LRRC7: variants seen among roughly 807,000 people sequenced by gnomAD.
LRRC7 encodes leucine rich repeat containing 7, also known as leucine-rich repeat-containing protein 7.
In LRRC7, 23 loss-of-function variants were observed where a neutral mutation model predicts 175.7. The observed-to-expected ratio is 0.13, with a 90% CI of 0.09 to 0.19. The LOEUF is 0.19. Ranked by LOEUF, LRRC7 falls within the 10% of genes least tolerant of loss-of-function variation. The pLI, the probability that LRRC7 is intolerant of heterozygous loss-of-function variation, is 1.00. For missense variants in LRRC7, 1,354 were observed against 1,904.7 expected (o/e 0.71, Z 5.38); for synonymous variants, 685 against 680.9 (o/e 1.01, Z -0.09).
intron 2 of LRRC7, among the ~76,000 whole-genome samples, chr1:69,728,891 G>C (rs555928515): frequency 6.6e-6 from 1 of 152,050 alleles, no homozygotes; most frequent in East Asian, 1.9e-4. Flanking sequence ...CTGAGACTGG[G>C]TAATTTATAA....
At chr1:69,988,306 G>A (rs911103959) in intron 10 of LRRC7, among the ~76,000 whole-genome samples, 2 of 152,110 alleles carry the variant, frequency 1.3e-5, no homozygotes, top group African/African-American at 4.8e-5. Flanking sequence ...ATGGTGGCAT[G>A]TGCCAACAGT....
intron 2 of LRRC7, among the ~76,000 whole-genome samples, chr1:69,724,055 T>G (rs1666656125): frequency 6.6e-6 from 1 of 152,228 alleles, no homozygotes; most frequent in Admixed American, 6.5e-5. Context: ...CCACATGTTC[T>G]GGAGTTGAAT....
chr1:69,913,131 C>T lies in LRRC7; in HGVS notation c.648-18376C>T, dbSNP rs561211944. Among the ~76,000 whole-genome samples, 14 of 152,270 alleles carry T rather than the reference C, an allele frequency of 9.2e-5. No homozygotes were observed. The South Asian group carries it at 2.9e-3, about 32-fold the overall frequency. On this transcript the variant is annotated intron_variant, in intron 7 of 26. Coordinates refer to ENST00000651989, the MANE Select transcript of LRRC7 (RefSeq NM_001370785.2). ...CAGCTTAATGCAAATTATATATTTTCAATGTTTATCCTAATAATTTAAATA... is the reference window on the plus strand; with the variant it reads ...CAGCTTAATGCAAATTATATATTTTTAATGTTTATCCTAATAATTTAAATA...
intron 2 of LRRC7, among the ~76,000 whole-genome samples, chr1:69,717,832 AAG>A (rs1665662620): frequency 6.7e-5 from 4 of 59,780 alleles, no homozygotes; most frequent in African/African-American, 8.3e-5. Context: ...GAAAGAAAGA[AAG>A]AAAGAAAAAA....
chr1:70,095,848 A>G (rs1327310791), intron 25 of LRRC7, among the ~76,000 whole-genome samples: 1 of 152,252 alleles, frequency 6.6e-6, no homozygotes, highest in Non-Finnish European at 1.5e-5. Context: ...TAGCTTATCA[A>G]TAAGATCTTA....
chr1:69,861,321 T>C (rs1015943076), intron 7 of LRRC7, among the ~76,000 whole-genome samples: 2 of 152,196 alleles, frequency 1.3e-5, no homozygotes, highest in African/African-American at 4.8e-5. Flanking sequence ...TTTAGATAAA[T>C]TCAGCAAATG....
intron 1 of LRRC7, among the ~76,000 whole-genome samples, chr1:69,589,022 G>A (rs896629831): frequency 3.2e-5 from 3 of 95,234 alleles, no homozygotes; most frequent in Admixed American, 1.0e-4. Flanking sequence ...TGCATGTGAT[G>A]TAATATACAT....
At chr1:69,823,090 G>C (rs1420934809) in intron 4 of LRRC7, among the ~76,000 whole-genome samples, 1 of 152,106 alleles carries the variant, frequency 6.6e-6, no homozygotes, top group Non-Finnish European at 1.5e-5. Context: ...TCTAGATTTT[G>C]ATCCTTTGTG....
chr1:69,581,362 A>T (rs1646193955), intron 1 of LRRC7, among the ~76,000 whole-genome samples: 1 of 152,162 alleles, frequency 6.6e-6, no homozygotes. Context: ...TGGAAATGGA[A>T]AGAGATAGAT....
intron 2 of LRRC7, among the ~76,000 whole-genome samples, chr1:69,758,033 GCTATC>G (rs1157308384): frequency 6.6e-6 from 1 of 151,840 alleles, no homozygotes; most frequent in Admixed American, 6.6e-5. Context: ...CATAGTCTAT[GCTATC>G]ACCACTTCCC....
At chr1:69,635,716 A>G (rs1205233416) in intron 1 of LRRC7, among the ~76,000 whole-genome samples, 1 of 152,064 alleles carries the variant, frequency 6.6e-6, no homozygotes, top group Middle Eastern at 3.2e-3. Context: ...TGCTCACAGA[A>G]AACAACCAAA....
chr1:69,599,906 G>C (rs34079451), intron 1 of LRRC7, among the ~76,000 whole-genome samples: 1 of 152,070 alleles, frequency 6.6e-6, no homozygotes, highest in Non-Finnish European at 1.5e-5. Flanking sequence ...TGCAAAAAAC[G>C]TTTACTCACT....
intron 7 of LRRC7, among the ~76,000 whole-genome samples, chr1:69,845,259 A>G (rs533199316): frequency 6.6e-6 from 1 of 152,188 alleles, no homozygotes; most frequent in African/African-American, 2.4e-5. Context: ...TCAAATAAAT[A>G]AATAAAAGGC....
intron 2 of LRRC7, among the ~76,000 whole-genome samples, chr1:69,720,111 TTAAAA>T (rs1364575885): frequency 6.6e-6 from 1 of 151,776 alleles, no homozygotes; most frequent in African/African-American, 2.4e-5. Flanking sequence ...TTTATATTTA[TTAAAA>T]TAAACTTGGG....
chr1:69,625,532 GTTATTC>G (rs1461586724), intron 1 of LRRC7, among the ~76,000 whole-genome samples: 1 of 150,864 alleles, frequency 6.6e-6, no homozygotes, highest in East Asian at 2.0e-4. Context: ...TTAATTTACT[GTTATTC>G]TTAAGAACTG....
At chr1:69,864,540 C>T (rs1684706935) in intron 7 of LRRC7, among the ~76,000 whole-genome samples, 1 of 152,132 alleles carries the variant, frequency 6.6e-6, no homozygotes, top group South Asian at 2.1e-4. Context: ...AATTTGGTCA[C>T]TAAATTTATT....
chr1:69,697,296 G>C (rs887983247), intron 2 of LRRC7, among the ~76,000 whole-genome samples: 74 of 152,172 alleles, frequency 4.9e-4, no homozygotes, highest in African/African-American at 1.8e-3. Context: ...TAAAATCCAG[G>C]TGCTCCAAAC....
intron 7 of LRRC7, among the ~76,000 whole-genome samples, chr1:69,902,697 CAG>C (rs1316368979): frequency 6.6e-6 from 1 of 152,154 alleles, no homozygotes; most frequent in African/African-American, 2.4e-5. Flanking sequence ...TGTGAAGAAT[CAG>C]ACTTTTCTTG....
intron 3 of LRRC7, among the ~76,000 whole-genome samples, chr1:69,768,564 T>C (rs1312037380): frequency 1.4e-4 from 22 of 152,206 alleles, no homozygotes; most frequent in Non-Finnish European, 2.9e-5. Context: ...ACTTTATCAT[T>C]GCCATAAAAC....
Sources: allele counts gnomAD v4.1 joint callset (sites outside exome capture counted in the v4.1 genomes callset), GRCh38; gene constraint gnomAD v4.1.1; transcripts MANE v1.5; gene names NCBI Gene and HGNC (gene_info 2026-07-23, HGNC 2026-07-21).